The following PPFIBP2 variants were observed in gnomAD, a reference collection of about 807,000 sequenced individuals.
PPFIBP2 encodes the protein liprin-beta-2.
In PPFIBP2, 118 loss-of-function variants were observed where a neutral mutation model predicts 118.3. The observed-to-expected ratio is 1.00, with a 90% CI of 0.86 to 1.16. PPFIBP2 has a LOEUF of 1.16. Ranked by LOEUF, PPFIBP2 falls within the 50% of genes most tolerant of loss-of-function variation. The probability of loss-of-function intolerance (pLI) is 0.00; values close to 1 mark genes in which losing one functional copy is unlikely to be tolerated. For synonymous variants in PPFIBP2, 414 were observed against 397.4 expected (o/e 1.04, Z -0.50); for missense variants, 1,195 against 1,073.1 (o/e 1.11, Z -1.59).
chr11:7,621,140 C>G, intron 7 of PPFIBP2, 113 bp downstream of exon 7: 1 of 761,502 alleles, frequency 1.3e-6, no homozygotes. Context: ...AATCAACCCT[C>G]CAGTGTGGAC....
intron 1 of PPFIBP2, among the ~76,000 whole-genome samples, chr11:7,522,661 G>C (rs527874878): frequency 6.6e-6 from 1 of 152,316 alleles, no homozygotes; most frequent in African/African-American, 2.4e-5. Context: ...CTGCAGAACA[G>C]CTAAGGCTGG....
In PPFIBP2 at chr11:7,649,164, G is replaced by C. The variant is rs774274679; in HGVS notation, c.1927G>C (p.Gly643Arg). Residue 643 changes from glycine to arginine, a missense_variant, in exon 20 of 24, where the codon GGC becomes CGC. Gly to Arg is a moderately radical substitution (Grantham distance 125). Transcript: ENST00000299492. ...IWVTRWLDDI[G>R]LPQYKDQFHE... ...ATTTGTAGGGTGGCTTGATGATATT[G>C]GCTTACCCCAGTACAAAGACCAGTT... 6.2e-7 allele frequency: 1 copy of C among 1,613,950 alleles called. No homozygotes were observed. Among genetic ancestry groups the C allele is most frequent in the South Asian group, 1.1e-5 (1 of 91,056 alleles).
chr11:7,562,819 CAG>C (rs1854442909), intron 2 of PPFIBP2, among the ~76,000 whole-genome samples: 1 of 150,702 alleles, frequency 6.6e-6, no homozygotes, highest in African/African-American at 2.4e-5. Flanking sequence ...ACAACTAGCT[CAG>C]GGACAAAATA....
chr11:7,553,574 A>G (rs1449604965), intron 2 of PPFIBP2, among the ~76,000 whole-genome samples: 1 of 152,200 alleles, frequency 6.6e-6, no homozygotes, highest in Non-Finnish European at 1.5e-5. Context: ...ATCCCAGCTC[A>G]GCCATTTAGT....
At chr11:7,550,555 C>T (rs2134543787) in intron 2 of PPFIBP2, among the ~76,000 whole-genome samples, 1 of 152,308 alleles carries the variant, frequency 6.6e-6, no homozygotes, top group South Asian at 2.1e-4. Flanking sequence ...CATCTGTCTG[C>T]TTCTCAATTT....
At chr11:7,649,089 T>G in intron 19 of PPFIBP2, 58 bp from the exon 20 acceptor site, 3 of 1,517,386 alleles carry the variant, frequency 2.0e-6, no homozygotes, top group Non-Finnish European at 2.7e-6. Context: ...CTTTTTTTGG[T>G]GTCTACATTC....
chr11:7,588,555 C>T (rs1426927669), intron 3 of PPFIBP2, among the ~76,000 whole-genome samples: 1 of 152,042 alleles, frequency 6.6e-6, no homozygotes, highest in Non-Finnish European at 1.5e-5. Flanking sequence ...GAAACAGACC[C>T]TAGGATAACC....
chr11:7,665,698 C>T, the PPFIBP2 span: 1 of 1,152,000 alleles, frequency 8.7e-7, no homozygotes, highest in Non-Finnish European at 1.2e-6. Flanking sequence ...TGCAAAAAGC[C>T]TCAGAACTAG....
intron 8 of PPFIBP2, among the ~76,000 whole-genome samples, chr11:7,627,080 C>A (rs1850120010): frequency 6.6e-6 from 1 of 152,224 alleles, no homozygotes; most frequent in Non-Finnish European, 1.5e-5. Context: ...GCCACAACTT[C>A]TAGGCCAGGC....
rs201083905 is a variant in PPFIBP2, at chr11:7,565,517, C to T, written c.65-36C>T. 14 of 1,607,688 alleles carry T rather than the reference C, an allele frequency of 8.7e-6. No individual in the cohort carries two copies. In the African/African-American group the frequency reaches 1.7e-4, roughly 20 times the overall value. ...CTAGTACCTTGCTCAGGGTGTCCAC[C>T]CTTCTTACTGAGTTTTCACCTCTCT... On this transcript the variant is annotated intron_variant, in intron 2 of 23. Transcript: ENST00000299492.
intron 2 of PPFIBP2, among the ~76,000 whole-genome samples, chr11:7,551,002 T>A (rs549499069): frequency 7.3e-4 from 111 of 152,072 alleles, no homozygotes; most frequent in African/African-American, 2.6e-3. Flanking sequence ...GTCGTGTGAG[T>A]TAATAGTACT....
intron 8 of PPFIBP2, 67 bp from the exon 9 acceptor site, chr11:7,628,215 ACAT>A: frequency 7.7e-7 from 1 of 1,300,774 alleles, no homozygotes; most frequent in Admixed American, 1.8e-5. Flanking sequence ...AACTTGGGGG[ACAT>A]CATAGCAAGT....
chr11:7,648,250 A>G, intron 17 of PPFIBP2, 137 bp from the exon 18 acceptor site: 2 of 950,188 alleles, frequency 2.1e-6, no homozygotes, highest in Non-Finnish European at 1.5e-6. Context: ...GCAGAATCCC[A>G]TGATGGAGGT....
At chr11:7,604,588 CCACA>C (rs902581083) in intron 5 of PPFIBP2, among the ~76,000 whole-genome samples, 3 of 150,406 alleles carry the variant, frequency 2.0e-5, no homozygotes, top group Non-Finnish European at 4.5e-5. Context: ...ACCCACCCAT[CCACA>C]CACACACACC....
intron 6 of PPFIBP2, chr11:7,617,014 C>G (rs148801735): frequency 1.8e-6 from 1 of 564,470 alleles, no homozygotes; most frequent in East Asian, 1.5e-4. Flanking sequence ...GCTCCCTGCC[C>G]CATGCACACT....
chr11:7,663,805 C>G, the PPFIBP2 span, among the ~76,000 whole-genome samples: 9 of 152,326 alleles, frequency 5.9e-5, no homozygotes, highest in Middle Eastern at 3.4e-3. Context: ...GCGAGACTCC[C>G]TGGGCGTATG....
intron 21 of PPFIBP2, 110 bp downstream of exon 21, chr11:7,649,764 G>A (rs1853693285): frequency 1.4e-6 from 2 of 1,470,204 alleles, no homozygotes; most frequent in African/African-American, 1.4e-5. Context: ...TTGCACCATG[G>A]TGCCTGGGAT....
chr11:7,563,879 G>A (rs572150756), intron 2 of PPFIBP2, among the ~76,000 whole-genome samples: 56 of 152,176 alleles, frequency 3.7e-4, no homozygotes, highest in Middle Eastern at 3.4e-3. Flanking sequence ...AAGAATGGTG[G>A]AACAGGCCAG....
intron 2 of PPFIBP2, among the ~76,000 whole-genome samples, chr11:7,557,642 T>A (rs74906775): frequency 0.054 from 8,167 of 152,134 alleles, 231 homozygotes; most frequent in Non-Finnish European, 0.067. Context: ...CCACCACCAT[T>A]CCCATCACTG....
Sources: allele counts gnomAD v4.1 joint callset (sites outside exome capture counted in the v4.1 genomes callset), GRCh38; gene constraint gnomAD v4.1.1; transcripts MANE v1.5; gene names NCBI Gene and HGNC (gene_info 2026-07-23, HGNC 2026-07-21).